Variants in RBFOX2 observed in about 807,000 individuals in gnomAD.
RBFOX2 encodes RNA binding fox-1 homolog 2.
Under a neutral mutation model 49.1 loss-of-function variants are expected in RBFOX2, and 10 were observed. The observed-to-expected ratio is 0.20, with a 90% confidence interval of 0.13 to 0.35. The LOEUF is 0.35. Among genes scored for constraint, RBFOX2 ranks in the 10% least tolerant of loss-of-function variants. RBFOX2 has a pLI of 1.00. For synonymous variants in RBFOX2, 183 were observed against 187.4 expected (o/e 0.98, Z 0.19); for missense variants, 323 against 486.9 (o/e 0.66, Z 3.17).
At chr22:35,896,605 CCT>C (rs1268143050) in intron 1 of RBFOX2, among the ~76,000 whole-genome samples, 2 of 152,180 alleles carry the variant, frequency 1.3e-5, no homozygotes, top group Non-Finnish European at 1.5e-5. Context: ...GGGGTTTCTT[CCT>C]CTTAGGGTAG....
intron 1 of RBFOX2, among the ~76,000 whole-genome samples, chr22:35,828,190 TTCTTTTTAC>T (rs1956141418): frequency 6.6e-6 from 1 of 151,944 alleles, no homozygotes; most frequent in African/African-American, 2.4e-5. Context: ...AAACAGATTT[TTCTTTTTAC>T]CTGAAACTAC....
upstream of RBFOX2, among the ~76,000 whole-genome samples, chr22:35,939,744 A>G (rs1409607563): frequency 1.3e-5 from 2 of 152,200 alleles, no homozygotes; most frequent in East Asian, 1.9e-4. Flanking sequence ...ATAAGGTCAT[A>G]TAACATGAAC....
chr22:35,785,123 G>A (rs939553934), intron 2 of RBFOX2, among the ~76,000 whole-genome samples: 4 of 151,984 alleles, frequency 2.6e-5, no homozygotes, highest in African/African-American at 4.8e-5. Context: ...TCAGCCTCCC[G>A]AATGGCTGGC....
At chr22:35,742,609 G>A (rs2145680787) in exon 12 of RBFOX2, 1 of 152,732 alleles carries the variant, frequency 6.5e-6, no homozygotes. Flanking sequence ...GAGCCAAAAA[G>A]ACCGTGCTTT....
upstream of RBFOX2, among the ~76,000 whole-genome samples, chr22:35,842,553 T>C (rs2040638642): frequency 6.6e-6 from 1 of 152,166 alleles, no homozygotes; most frequent in Admixed American, 6.5e-5. Context: ...TCTTGAATCA[T>C]ACTAATGGGA....
chr22:35,882,761 T>G (rs1335403050), intron 1 of RBFOX2, among the ~76,000 whole-genome samples: 1 of 151,988 alleles, frequency 6.6e-6, no homozygotes, highest in Non-Finnish European at 1.5e-5. Flanking sequence ...AATACGGGGG[T>G]GGGAAATCCT....
intron 1 of RBFOX2, among the ~76,000 whole-genome samples, chr22:35,822,254 C>T (rs1232203152): frequency 6.6e-6 from 1 of 152,186 alleles, no homozygotes; most frequent in Non-Finnish European, 1.5e-5. Context: ...TTTGGCTATC[C>T]TTCTACTGTG....
intron 1 of RBFOX2, among the ~76,000 whole-genome samples, chr22:36,016,449 A>T (rs1304593346): frequency 6.6e-6 from 1 of 152,136 alleles, no homozygotes; most frequent in Non-Finnish European, 1.5e-5. Flanking sequence ...TTCCAGTTAG[A>T]ATCTGACAAA....
At chr22:35,910,393 T>C (rs1808749961) in intron 1 of RBFOX2, among the ~76,000 whole-genome samples, 1 of 152,242 alleles carries the variant, frequency 6.6e-6, no homozygotes, top group African/African-American at 2.4e-5. Flanking sequence ...ATTTCACATA[T>C]ACTCATAGGA....
At chr22:35,879,867 G>A (rs905807282) in intron 1 of RBFOX2, among the ~76,000 whole-genome samples, 1 of 152,152 alleles carries the variant, frequency 6.6e-6, no homozygotes, top group African/African-American at 2.4e-5. Context: ...AAGTGGCAGA[G>A]CTAGTAGGAT....
intron 1 of RBFOX2, among the ~76,000 whole-genome samples, chr22:35,915,055 G>C (rs2050253074): frequency 6.6e-6 from 1 of 152,182 alleles, no homozygotes; most frequent in African/African-American, 2.4e-5. Flanking sequence ...CCATTACAGA[G>C]AGAAACCAGC....
intron 1 of RBFOX2, among the ~76,000 whole-genome samples, chr22:35,985,880 CTAGATAGA>C (rs200877863): frequency 1.4e-5 from 2 of 146,742 alleles, no homozygotes; most frequent in East Asian, 4.0e-4. Context: ...GACTCCATCT[CTAGATAGA>C]TAGATAGATA....
chr22:35,837,150 A>G (rs961811709), intron 1 of RBFOX2, among the ~76,000 whole-genome samples: 1 of 152,224 alleles, frequency 6.6e-6, no homozygotes, highest in Non-Finnish European at 1.5e-5. Context: ...ATTAAAACAA[A>G]AACAGGCCCT....
chr22:35,899,383 A>C (rs1181796728), intron 1 of RBFOX2, among the ~76,000 whole-genome samples: 1 of 151,916 alleles, frequency 6.6e-6, no homozygotes, highest in Non-Finnish European at 1.5e-5. Flanking sequence ...TCCTATTATA[A>C]ATGCATCTAT....
At chr22:35,768,216 TAAAAA>T in intron 5 of RBFOX2, 36 bp downstream of exon 6, 1 of 1,593,524 alleles carries the variant, frequency 6.3e-7, no homozygotes, top group South Asian at 1.1e-5. Context: ...AAAAGAGAAA[TAAAAA>T]TATAAACCAG....
intron 2 of RBFOX2, among the ~76,000 whole-genome samples, chr22:35,797,894 A>T (rs1329318082): frequency 6.6e-6 from 1 of 152,144 alleles, no homozygotes; most frequent in Non-Finnish European, 1.5e-5. Flanking sequence ...TGTTTAGGAG[A>T]AGTAGTACCT....
At chr22:36,026,707 C>T (rs1474112105) in intron 1 of RBFOX2, among the ~76,000 whole-genome samples, 3 of 152,174 alleles carry the variant, frequency 2.0e-5, no homozygotes, top group Non-Finnish European at 4.4e-5. Context: ...CTCACAATCC[C>T]TCTGCCTGAC....
chr22:35,792,225 G>A (rs548594124), intron 2 of RBFOX2, among the ~76,000 whole-genome samples: 1 of 150,106 alleles, frequency 6.7e-6, no homozygotes, highest in African/African-American at 2.5e-5. Flanking sequence ...GCTTTGGCAC[G>A]AGAATTGCTT....
At chr22:35,939,110 A>G (rs1251064885), upstream of RBFOX2, 5 of 696,506 alleles carry the variant, frequency 7.2e-6, no homozygotes, top group Non-Finnish European at 1.3e-5. Context: ...AGCACTATTC[A>G]TAAAAACTAT....
Sources: allele counts gnomAD v4.1 joint callset (sites outside exome capture counted in the v4.1 genomes callset), GRCh38; gene constraint gnomAD v4.1.1; transcripts MANE v1.5; gene names NCBI Gene and HGNC (gene_info 2026-07-23, HGNC 2026-07-21).